The following CA10 variants were observed in gnomAD, a reference collection of about 807,000 sequenced individuals.
CA10 encodes carbonic anhydrase 10 (inactive), also known as carbonic anhydrase-related protein 10.
Under a neutral mutation model 44.2 loss-of-function variants are expected in CA10, and 14 were observed. The ratio of observed to expected loss-of-function variants is 0.32; its 90% confidence interval spans 0.21 to 0.50. The LOEUF (loss-of-function observed/expected upper bound fraction) is 0.50. Among genes scored for constraint, CA10 ranks in the 20% least tolerant of loss-of-function variants. CA10 has a pLI of 0.99. For missense variants in CA10, 350 were observed against 409.7 expected, an observed-to-expected ratio of 0.85 and a Z score of 1.26; for synonymous variants, 159 against 141.6, an observed-to-expected ratio of 1.12 and a Z score of -0.87.
intron 1 of CA10, among the ~76,000 whole-genome samples, chr17:52,111,552 G>C (rs1456971479): frequency 6.6e-6 from 1 of 152,134 alleles, no homozygotes; most frequent in Admixed American, 6.5e-5. Flanking sequence ...GAACGAATAA[G>C]TAATGTATAC....
intron 5 of CA10, among the ~76,000 whole-genome samples, chr17:51,652,144 G>A (rs1254739422): frequency 6.6e-6 from 1 of 152,128 alleles, no homozygotes; most frequent in Non-Finnish European, 1.5e-5. Context: ...TAAAGTCAGG[G>A]AAGACTTGGA....
intron 3 of CA10, among the ~76,000 whole-genome samples, chr17:51,907,233 A>C (rs1981595090): frequency 6.6e-6 from 1 of 151,806 alleles, no homozygotes; most frequent in Non-Finnish European, 1.5e-5. Context: ...GTACCACCTG[A>C]TGGTCTTTGA....
intron 1 of CA10, among the ~76,000 whole-genome samples, chr17:52,127,912 G>A (rs1331166582): frequency 6.6e-6 from 1 of 151,492 alleles, no homozygotes; most frequent in Non-Finnish European, 1.5e-5. Flanking sequence ...AACAACTACC[G>A]TTGATTAACT....
intron 4 of CA10, among the ~76,000 whole-genome samples, chr17:51,700,491 A>C (rs1044955734): frequency 1.6e-4 from 25 of 152,078 alleles, no homozygotes; most frequent in African/African-American, 4.6e-4. Context: ...TGAACATGGC[A>C]CAGTTCCATG....
intron 3 of CA10, among the ~76,000 whole-genome samples, chr17:51,792,848 A>G (rs74471659): frequency 0.013 from 1,948 of 152,274 alleles, 43 homozygotes; most frequent in African/African-American, 0.044. Flanking sequence ...CATTATCTCA[A>G]ATTCGCATAA....
intron 4 of CA10, among the ~76,000 whole-genome samples, chr17:51,714,926 C>T (rs1916051725): frequency 6.6e-6 from 1 of 152,098 alleles, no homozygotes; most frequent in African/African-American, 2.4e-5. Context: ...CACAAGAGCC[C>T]TTTTCTCAAA....
At chr17:51,790,816 A>C (rs1906493382) in intron 3 of CA10, among the ~76,000 whole-genome samples, 1 of 152,222 alleles carries the variant, frequency 6.6e-6, no homozygotes, top group East Asian at 1.9e-4. Flanking sequence ...ACTAAATGCC[A>C]CTTTAAAGTA....
At chr17:51,852,924 T>C (rs1978858505) in intron 3 of CA10, among the ~76,000 whole-genome samples, 1 of 152,192 alleles carries the variant, frequency 6.6e-6, no homozygotes, top group African/African-American at 2.4e-5. Context: ...TCCCATTCTC[T>C]TAATTCTTAA....
intron 4 of CA10, among the ~76,000 whole-genome samples, chr17:51,712,663 G>A (rs1305712983): frequency 6.6e-6 from 1 of 152,188 alleles, no homozygotes; most frequent in Non-Finnish European, 1.5e-5. Context: ...CAGGCACATT[G>A]AGAATGAGCA....
chr17:52,118,224 C>T (rs967813695), intron 1 of CA10, among the ~76,000 whole-genome samples: 3 of 152,084 alleles, frequency 2.0e-5, no homozygotes, highest in Admixed American at 1.3e-4. Flanking sequence ...CTTTCTCTCC[C>T]TTGTACAAGA....
At chr17:51,738,001 A>G (rs1269480) in intron 4 of CA10, among the ~76,000 whole-genome samples, 61,292 of 152,028 alleles carry the variant, frequency 0.4, 13,714 homozygotes, top group Middle Eastern at 0.54. Flanking sequence ...TTTCCAACCA[A>G]TTCTGAATAT....
intron 2 of CA10, among the ~76,000 whole-genome samples, chr17:52,034,282 T>C (rs1046372986): frequency 6.6e-6 from 1 of 152,206 alleles, no homozygotes; most frequent in Non-Finnish European, 1.5e-5. Context: ...GTGGTGATGG[T>C]TTCATGAGTG....
intron 3 of CA10, among the ~76,000 whole-genome samples, chr17:51,843,520 C>T (rs1411252425): frequency 6.6e-6 from 1 of 152,034 alleles, no homozygotes; most frequent in Non-Finnish European, 1.5e-5. Context: ...TTTTTTTTCC[C>T]CCACGTGAAG....
intron 4 of CA10, among the ~76,000 whole-genome samples, chr17:51,694,155 G>A (rs944288113): frequency 6.6e-6 from 1 of 151,206 alleles, no homozygotes. Context: ...AGTGAGCTGA[G>A]ATCATGCCAT....
At position 51,631,235 on chromosome 17, in the gene CA10, A is replaced by G. The variant is rs1912555971; in HGVS notation, c.*349T>C. ...TTCAGGAAAACGGTATCAAAATTGAAATCAGGTTAACTGGTTATTTTCTTC... is the reference window on the plus strand; with the variant it reads ...TTCAGGAAAACGGTATCAAAATTGAGATCAGGTTAACTGGTTATTTTCTTC... On this transcript the variant is annotated 3_prime_UTR_variant, in exon 9 of 9. Coordinates refer to ENST00000451037, the MANE Select transcript of CA10 (RefSeq NM_020178.5). 1 of 236,526 alleles carries G rather than the reference A, an allele frequency of 4.2e-6. No individual in the cohort carries two copies. Among genetic ancestry groups the G allele is most frequent in the Admixed American group, 5.3e-5 (1 of 19,042 alleles). 14.7% of individuals were successfully genotyped at this position (236,526 alleles called of 1,614,324 possible).
intron 4 of CA10, among the ~76,000 whole-genome samples, chr17:51,669,702 C>A (rs1032003585): frequency 9.2e-5 from 14 of 152,182 alleles, no homozygotes; most frequent in Non-Finnish European, 1.0e-4. Context: ...CAAAGGCCTG[C>A]AGCTTCACTC....
intron 3 of CA10, among the ~76,000 whole-genome samples, chr17:51,882,632 T>C (rs1312708025): frequency 1.3e-5 from 2 of 152,182 alleles, no homozygotes; most frequent in Non-Finnish European, 2.9e-5. Context: ...TTGGTACTCA[T>C]AGGGTGATGC....
intron 4 of CA10, among the ~76,000 whole-genome samples, chr17:51,691,985 GTA>G (rs1301666406): frequency 6.6e-6 from 1 of 152,178 alleles, no homozygotes; most frequent in Non-Finnish European, 1.5e-5. Context: ...TAATTGAGAT[GTA>G]TTGTGATTCC....
intron 1 of CA10, among the ~76,000 whole-genome samples, chr17:52,094,197 C>T (rs955672107): frequency 5.3e-5 from 8 of 151,620 alleles, no homozygotes; most frequent in African/African-American, 1.2e-4. Flanking sequence ...ATGTAGGTGA[C>T]GAGTTGATGG....
Sources: allele counts gnomAD v4.1 joint callset (sites outside exome capture counted in the v4.1 genomes callset), GRCh38; gene constraint gnomAD v4.1.1; transcripts MANE v1.5; gene names NCBI Gene and HGNC (gene_info 2026-07-23, HGNC 2026-07-21).